CTNND2: variants seen among roughly 807,000 people sequenced by gnomAD.
The protein encoded by CTNND2 is catenin delta-2.
CTNND2 carries 22 observed loss-of-function variants against 144.4 expected under a neutral mutation model. The observed-to-expected ratio is 0.15, with a 90% CI of 0.11 to 0.22. The LOEUF is 0.22. Among genes scored for constraint, CTNND2 ranks in the 10% least tolerant of loss-of-function variants. The pLI is 1.00. For missense variants in CTNND2, 1,353 were observed against 1,618.8 expected (o/e 0.84, Z 2.82); for synonymous variants, 751 against 695.6 (o/e 1.08, Z -1.25).
chr5:11,560,893 A>T (rs1205552684), intron 3 of CTNND2, among the ~76,000 whole-genome samples: 1 of 152,350 alleles, frequency 6.6e-6, no homozygotes, highest in East Asian at 1.9e-4. Context: ...TATCCTGCAG[A>T]TCTAACTCAC....
chr5:11,586,224 T>C (rs539178088), intron 2 of CTNND2, among the ~76,000 whole-genome samples: 6 of 152,356 alleles, frequency 3.9e-5, no homozygotes, highest in African/African-American at 1.4e-4. Context: ...AAATGCATCA[T>C]ATAAGCTATC....
intron 2 of CTNND2, among the ~76,000 whole-genome samples, chr5:11,646,653 A>C (rs192546869): frequency 1.5e-4 from 20 of 133,070 alleles, no homozygotes; most frequent in African/African-American, 5.2e-4. Context: ...AATTTCGTTT[A>C]CTTGATATTT....
At chr5:11,456,472 T>C (rs1765747630) in intron 3 of CTNND2, among the ~76,000 whole-genome samples, 2 of 152,144 alleles carry the variant, frequency 1.3e-5, no homozygotes, top group Non-Finnish European at 1.5e-5. Flanking sequence ...ACAGGTGCTG[T>C]GACCCAGCAG....
intron 1 of CTNND2, among the ~76,000 whole-genome samples, chr5:11,864,734 T>C (rs994918952): frequency 3.9e-5 from 6 of 152,126 alleles, no homozygotes; most frequent in African/African-American, 1.2e-4. Context: ...AGCCCTGCCA[T>C]GCCTCCTCCA....
chr5:11,167,868 C>CTT lies in CTNND2; in HGVS notation c.1976-8111_1976-8110dup, dbSNP rs762392790. Among the ~76,000 whole-genome samples, 8 of 129,008 alleles carry CTT rather than the reference C, an allele frequency of 6.2e-5. No individual in the cohort carries two copies. The South Asian group carries it at 7.7e-4, about 12-fold the overall frequency. The allele number at this position is 129,008 out of a possible 152,430, so 84.6% of individuals were successfully genotyped here. A position where few individuals can be genotyped will look rare whatever the true frequency, so the allele number is the denominator to read the frequency against. On this transcript the variant is annotated intron_variant, in intron 11 of 21. Coordinates refer to ENST00000304623, the MANE Select transcript of CTNND2 (RefSeq NM_001332.4). Reference sequence around the variant, plus strand: ...TTCATGCACGTGCTACCATACCTGACTTTTTTTTTTTTTTTTTGGTAGAGA... The same window carrying CTT: ...TTCATGCACGTGCTACCATACCTGACTTTTTTTTTTTTTTTTTTTGGTAGAGA...
intron 3 of CTNND2, chr5:11,508,574 A>T (rs1198203254): frequency 2.6e-5 from 4 of 151,554 alleles, no homozygotes; most frequent in Admixed American, 2.0e-4. Context: ...ATGTGAAGAT[A>T]AAAAAAAATA....
rs1244643029 is a variant in CTNND2 at position 11,416,746 on chromosome 5, T to C, written c.288-4677A>G. ...CAATTTAATATAATAGAAACGTCAT[T>C]TTTGAAGGTGTTATAACTTAAATGC... On this transcript the variant is annotated intron_variant, in intron 3 of 21. Coordinates refer to ENST00000304623, the MANE Select transcript of CTNND2 (RefSeq NM_001332.4). 3.3e-5 allele frequency among the ~76,000 whole-genome samples: 5 copies of C among 152,184 alleles called. No homozygotes were observed. In the East Asian group the frequency reaches 9.6e-4, roughly 29 times the overall value.
intron 1 of CTNND2, among the ~76,000 whole-genome samples, chr5:11,838,811 G>T (rs192142937): frequency 2.6e-4 from 40 of 152,158 alleles, no homozygotes; most frequent in Non-Finnish European, 7.4e-5. Context: ...AAAATTATTT[G>T]TCAGCATCTT....
intron 12 of CTNND2, among the ~76,000 whole-genome samples, chr5:11,154,690 G>A (rs1580437822): frequency 6.6e-6 from 1 of 152,262 alleles, no homozygotes; most frequent in South Asian, 2.1e-4. Context: ...CAAACTGGGT[G>A]GCTTAAAACA....
At chr5:11,187,163 T>C (rs1735717633) in intron 11 of CTNND2, among the ~76,000 whole-genome samples, 1 of 152,194 alleles carries the variant, frequency 6.6e-6, no homozygotes, top group South Asian at 2.1e-4. Context: ...AGAAGGGGTA[T>C]TAAGCTTGAC....
At chr5:11,725,257 T>A (rs1429301171) in intron 2 of CTNND2, among the ~76,000 whole-genome samples, 1 of 152,230 alleles carries the variant, frequency 6.6e-6, no homozygotes, top group African/African-American at 2.4e-5. Context: ...TCAACTAAAG[T>A]AAGAATGTGT....
intron 3 of CTNND2, among the ~76,000 whole-genome samples, chr5:11,443,441 T>G (rs1389677297): frequency 1.4e-5 from 2 of 145,614 alleles, no homozygotes; most frequent in Admixed American, 6.9e-5. Flanking sequence ...GGGTGTGTGG[T>G]GTGTGTATGT....
intron 1 of CTNND2, among the ~76,000 whole-genome samples, chr5:11,869,351 A>G (rs1795920728): frequency 6.6e-6 from 1 of 152,264 alleles, no homozygotes; most frequent in Non-Finnish European, 1.5e-5. Flanking sequence ...GAATGGGCAA[A>G]CAACATGTGG....
chr5:11,322,117 T>C (rs916630288), intron 9 of CTNND2, among the ~76,000 whole-genome samples: 2 of 152,164 alleles, frequency 1.3e-5, no homozygotes, highest in Admixed American at 1.3e-4. Context: ...ACTCTTTCTT[T>C]TGCAGAAACC....
intron 10 of CTNND2, among the ~76,000 whole-genome samples, chr5:11,208,947 G>A (rs922563769): frequency 1.3e-5 from 2 of 152,034 alleles, no homozygotes; most frequent in African/African-American, 2.4e-5. Flanking sequence ...GTTTTAATTT[G>A]TGTTTTCCTA....
intron 19 of CTNND2, among the ~76,000 whole-genome samples, chr5:10,989,377 A>C (rs1049450587): frequency 2.6e-5 from 4 of 152,158 alleles, no homozygotes; most frequent in Admixed American, 2.0e-4. Flanking sequence ...CTCACTTGAG[A>C]ATTTATGGAT....
intron 11 of CTNND2, among the ~76,000 whole-genome samples, chr5:11,162,890 C>T (rs1758918919): frequency 1.0e-5 from 1 of 95,708 alleles, no homozygotes; most frequent in East Asian, 4.6e-4. Flanking sequence ...CTGCTACACA[C>T]ACACACACAC....
intron 11 of CTNND2, among the ~76,000 whole-genome samples, chr5:11,193,683 A>T (rs1477402475): frequency 6.6e-6 from 1 of 152,102 alleles, no homozygotes. Flanking sequence ...ATAGAAGAAG[A>T]GCTTTCTTGA....
intron 2 of CTNND2, among the ~76,000 whole-genome samples, chr5:11,679,049 T>C (rs1454073652): frequency 6.6e-6 from 1 of 152,028 alleles, no homozygotes. Flanking sequence ...AGACTTTTGT[T>C]TTTCAGCATC....
Sources: gnomAD v4.1 joint callset for allele counts (sites outside exome capture counted in the v4.1 genomes callset) on GRCh38, gnomAD v4.1.1 for gene constraint, MANE v1.5 for transcripts, NCBI Gene and HGNC (gene_info 2026-07-23, HGNC 2026-07-21) for gene names.